Variants in DLGAP1 observed in about 807,000 individuals in gnomAD.
DLGAP1 encodes disks large-associated protein 1.
A neutral mutation model predicts 90.8 loss-of-function variants in DLGAP1; 11 were observed. The observed-to-expected ratio is 0.12, with a 90% CI of 0.08 to 0.20. The LOEUF (loss-of-function observed/expected upper bound fraction) is 0.20. Ranked by LOEUF, DLGAP1 falls within the 10% of genes least tolerant of loss-of-function variation. DLGAP1 has a pLI of 1.00. For missense variants in DLGAP1, 1,050 were observed against 1,333.8 expected (o/e 0.79, Z 3.31); for synonymous variants, 558 against 540.7 (o/e 1.03, Z -0.44).
At chr18:4,031,054 G>T (rs1187862173) in intron 2 of DLGAP1, among the ~76,000 whole-genome samples, 1 of 152,106 alleles carries the variant, frequency 6.6e-6, no homozygotes, top group African/African-American at 2.4e-5. Flanking sequence ...CTGGCTCTGG[G>T]TCTCTTCTTT....
At chr18:4,432,380 C>G (rs1460921064) in intron 1 of DLGAP1, among the ~76,000 whole-genome samples, 1 of 152,058 alleles carries the variant, frequency 6.6e-6, no homozygotes, top group African/African-American at 2.4e-5. Flanking sequence ...CTGGCAGTAT[C>G]TGATATTTGT....
rs1295635482 is a variant in DLGAP1, at chr18:3,688,664, CACA to C, written c.1591+40468_1591+40470del. ...ACACACACACACACACACACACACA[CACA>C]CCCTACCAAAAATAAGAAACAAAAC... On this transcript the variant is annotated intron_variant, in intron 7 of 12. Coordinates refer to ENST00000315677, the MANE Select transcript of DLGAP1 (RefSeq NM_004746.4). Among the ~76,000 whole-genome samples, 12 of 46,114 alleles carry C rather than the reference CACA, an allele frequency of 2.6e-4. No homozygotes were observed. The South Asian group carries it at 2.8e-3, about 11-fold the overall frequency. The allele number at this position is 46,114 out of a possible 152,430, so 30.3% of individuals were successfully genotyped here.
At chr18:3,736,070 A>C (rs1192746200) in intron 6 of DLGAP1, among the ~76,000 whole-genome samples, 1 of 152,188 alleles carries the variant, frequency 6.6e-6, no homozygotes, top group Admixed American at 6.5e-5. Flanking sequence ...CTGCCTAGTT[A>C]CATTAATTTT....
chr18:3,873,698 G>T lies in DLGAP1; in HGVS notation c.957+5414C>A, dbSNP rs144839176. Among the ~76,000 whole-genome samples, 1,460 of 152,152 alleles carry T rather than the reference G, an allele frequency of 9.6e-3. 16 individuals carry two copies. The highest frequency in any genetic ancestry group is 0.041 in the Middle Eastern group (12 of 294). On this transcript the variant is annotated intron_variant, in intron 4 of 12. Coordinates refer to ENST00000315677, the MANE Select transcript of DLGAP1 (RefSeq NM_004746.4). ...ATTTTACCTGTATTTAAAAGATCCTGGATTCATGCTTATGAATGCTTCCTC... is the reference window on the plus strand; with the variant it reads ...ATTTTACCTGTATTTAAAAGATCCTTGATTCATGCTTATGAATGCTTCCTC...
Position 3,628,882 on chromosome 18 carries a change from A to G in DLGAP1, c.1592-46634T>C, listed in dbSNP as rs149423101. 4.2e-3 allele frequency among the ~76,000 whole-genome samples: 643 copies of G among 152,322 alleles called. 5 individuals are homozygous for G. The highest frequency in any genetic ancestry group is 0.015 in the African/African-American group (620 of 41,570). ...GCATGGAAATAAACAATAAAAATACATTTTACTATAGATGGATATTTAGGG... is the reference window on the plus strand; with the variant it reads ...GCATGGAAATAAACAATAAAAATACGTTTTACTATAGATGGATATTTAGGG... On this transcript the variant is annotated intron_variant, in intron 7 of 12. Transcript: ENST00000315677.
At chr18:3,600,467 C>T (rs1027648292) in intron 7 of DLGAP1, among the ~76,000 whole-genome samples, 5 of 151,854 alleles carry the variant, frequency 3.3e-5, no homozygotes, top group African/African-American at 4.8e-5. Context: ...AACCCCGGAC[C>T]TCAGGTGATC....
chr18:3,864,862 G>A (rs548286144), intron 4 of DLGAP1, among the ~76,000 whole-genome samples: 240 of 152,208 alleles, frequency 1.6e-3, no homozygotes, highest in South Asian at 8.9e-3. Flanking sequence ...ACTTTGATGG[G>A]TAATTACGCA....
intron 12 of DLGAP1, among the ~76,000 whole-genome samples, chr18:3,501,931 C>T (rs1053970758): frequency 1.4e-4 from 12 of 83,908 alleles, no homozygotes; most frequent in African/African-American, 5.4e-4. Flanking sequence ...GCAAATCAAC[C>T]AAAAGCAAAA....
At chr18:3,763,812 C>T (rs921209569) in intron 5 of DLGAP1, among the ~76,000 whole-genome samples, 4 of 151,950 alleles carry the variant, frequency 2.6e-5, no homozygotes, top group African/African-American at 9.7e-5. Flanking sequence ...CAGGCATGCA[C>T]CACCATGCCT....
chr18:4,371,529 T>C (rs998277133), intron 1 of DLGAP1, among the ~76,000 whole-genome samples: 9 of 152,258 alleles, frequency 5.9e-5, no homozygotes, highest in African/African-American at 9.6e-5. Context: ...CTTCAAATGT[T>C]ATTTGCTCTC....
intron 3 of DLGAP1, among the ~76,000 whole-genome samples, chr18:3,913,046 A>G (rs2072069601): frequency 6.6e-6 from 1 of 152,178 alleles, no homozygotes; most frequent in Admixed American, 6.5e-5. Context: ...GGTTTGTACC[A>G]GTTGTGGTTC....
At chr18:4,045,346 G>T (rs2075033744) in intron 2 of DLGAP1, among the ~76,000 whole-genome samples, 1 of 144,410 alleles carries the variant, frequency 6.9e-6, no homozygotes, top group Non-Finnish European at 1.5e-5. Flanking sequence ...TTGATCATTG[G>T]CTCCCAATTT....
chr18:4,004,396 C>A (rs763161947), intron 3 of DLGAP1, among the ~76,000 whole-genome samples: 2 of 152,136 alleles, frequency 1.3e-5, no homozygotes, highest in Non-Finnish European at 2.9e-5. Flanking sequence ...CTCCTGCTCT[C>A]CGGGGAGTCC....
intron 2 of DLGAP1, among the ~76,000 whole-genome samples, chr18:4,045,482 C>A (rs1168690523): frequency 2.2e-5 from 3 of 136,918 alleles, no homozygotes; most frequent in Non-Finnish European, 4.6e-5. Flanking sequence ...CCCTGTAGTC[C>A]CAGTTACTTG....
At chr18:4,271,749 T>C (rs1303771749) in intron 1 of DLGAP1, among the ~76,000 whole-genome samples, 1 of 152,212 alleles carries the variant, frequency 6.6e-6, no homozygotes, top group Non-Finnish European at 1.5e-5. Flanking sequence ...TACTTCTTAG[T>C]GATTTTAACC....
chr18:3,689,637 T>C (rs926596090), intron 7 of DLGAP1, among the ~76,000 whole-genome samples: 2 of 152,196 alleles, frequency 1.3e-5, no homozygotes, highest in East Asian at 3.9e-4. Flanking sequence ...GATTTAAAGG[T>C]ATATTTCCAT....
chr18:3,889,698 C>CA (rs981906720), intron 3 of DLGAP1, among the ~76,000 whole-genome samples: 1 of 152,150 alleles, frequency 6.6e-6, no homozygotes, highest in African/African-American at 2.4e-5. Context: ...GACTCAGGGG[C>CA]ATCCATGCAG....
At position 3,853,889 on chromosome 18, in the gene DLGAP1, G is replaced by A. The variant is rs146376982; in HGVS notation, c.957+25223C>T. Among the ~76,000 whole-genome samples the A allele has an allele frequency of 6.0e-3, 907 of 151,948 alleles. 14 individuals are homozygous for A. Among genetic ancestry groups the A allele is most frequent in the African/African-American group, 0.02 (845 of 41,402 alleles). ...TAATATCTACTGCATATATATCCACGGCCCTTTTTTCATTTCTGTTAGTGT... is the reference window on the plus strand; with the variant it reads ...TAATATCTACTGCATATATATCCACAGCCCTTTTTTCATTTCTGTTAGTGT... On this transcript the variant is annotated intron_variant, in intron 4 of 12. Transcript: ENST00000315677.
intron 2 of DLGAP1, among the ~76,000 whole-genome samples, chr18:4,047,703 C>G (rs1598300966): frequency 6.6e-6 from 1 of 152,282 alleles, no homozygotes; most frequent in East Asian, 1.9e-4. Flanking sequence ...TTATCCAGAT[C>G]AAGAATTGAG....
Sources: allele counts gnomAD v4.1 joint callset (sites outside exome capture counted in the v4.1 genomes callset), GRCh38; gene constraint gnomAD v4.1.1; transcripts MANE v1.5; gene names NCBI Gene and HGNC (gene_info 2026-07-23, HGNC 2026-07-21).